The following AR variants were observed in gnomAD, a reference collection of about 807,000 sequenced individuals.
The protein encoded by AR is androgen receptor.
In AR, 8 loss-of-function variants were observed where a neutral mutation model predicts 53.9. The observed-to-expected ratio is 0.15, with a 90% CI of 0.09 to 0.27. The LOEUF is 0.27. Among genes scored for constraint, AR ranks in the 10% least tolerant of loss-of-function variants. The pLI is 1.00. For synonymous variants in AR, 359 were observed against 316.4 expected, an observed-to-expected ratio of 1.13 and a Z score of -1.43; for missense variants, 639 against 742.5, an observed-to-expected ratio of 0.86 and a Z score of 1.62.
chrX:67,685,983 T>C (rs1254630748), intron 2 of AR, 27 bp from the exon 3 acceptor site: 1 of 1,209,809 alleles, frequency 8.3e-7, no homozygotes, highest in East Asian at 3.0e-5. Context: ...TTATCAGGTC[T>C]ATCAACTCTT....
At chrX:67,688,856 G>A (rs2075980924) in intron 3 of AR, among the ~76,000 whole-genome samples, 1 of 111,462 alleles carries the variant, frequency 9.0e-6, no homozygotes, top group South Asian at 3.8e-4. Flanking sequence ...CTCAAACAAT[G>A]GAAAAGAAAG....
chrX:67,552,199 T>G (rs1930023985), intron 1 of AR, among the ~76,000 whole-genome samples: 1 of 111,879 alleles, frequency 8.9e-6, no homozygotes, highest in Non-Finnish European at 1.9e-5. Flanking sequence ...ATTCCCTCAG[T>G]CCTTAGCAAC....
At chrX:67,676,211 T>C (rs1195437349) in intron 2 of AR, among the ~76,000 whole-genome samples, 2 of 112,009 alleles carry the variant, frequency 1.8e-5, no homozygotes, top group Non-Finnish European at 3.8e-5. Context: ...AAGAGTTGCC[T>C]GTAGGAGAAA....
At chrX:67,574,365 T>C (rs1921955295) in intron 1 of AR, among the ~76,000 whole-genome samples, 1 of 111,276 alleles carries the variant, frequency 9.0e-6, no homozygotes, top group African/African-American at 3.3e-5. Context: ...CAGAAGTAAG[T>C]AAGTAAGACT....
chrX:67,703,980 AT>A lies in AR; in HGVS notation c.1886-7416del. ...TCCCTACAAAGGACATGAACTCATC[AT>A]TTTTTATGGCTGCATAGTATTCCAT... On this transcript the variant is annotated intron_variant, in intron 3 of 7. Coordinates refer to ENST00000374690, the MANE Select transcript of AR (RefSeq NM_000044.6). Among the ~76,000 whole-genome samples the A allele has an allele frequency of 2.7e-5, 3 of 111,771 alleles. 1 individual carries two copies. In the Middle Eastern group the frequency reaches 0.014, roughly 515 times the overall value.
At chrX:67,647,840 C>G (rs1317113890) in intron 2 of AR, among the ~76,000 whole-genome samples, 1 of 112,163 alleles carries the variant, frequency 8.9e-6, no homozygotes, top group Non-Finnish European at 1.9e-5. Flanking sequence ...AATACTGGAA[C>G]TAATGGGAGT....
intron 2 of AR, among the ~76,000 whole-genome samples, chrX:67,658,618 C>A (rs1468999536): frequency 9.0e-6 from 1 of 111,438 alleles, no homozygotes; most frequent in African/African-American, 3.3e-5. Flanking sequence ...CACCACCACG[C>A]CCAGTGAGAT....
chrX:67,674,664 T>C (rs932015678), intron 2 of AR, among the ~76,000 whole-genome samples: 4 of 111,297 alleles, frequency 3.6e-5, no homozygotes, highest in Admixed American at 2.9e-4. Context: ...TTATGGTGAA[T>C]GCTACCAAGG....
chrX:67,685,801 AC>A (rs907047204), intron 2 of AR: 2 of 499,923 alleles, frequency 4.0e-6, no homozygotes, highest in East Asian at 4.0e-5. Context: ...CCTAAAAAAA[AC>A]ACCAATGGAA....
At chrX:67,691,779 TG>T (rs1284875048) in intron 3 of AR, among the ~76,000 whole-genome samples, 1 of 111,885 alleles carries the variant, frequency 8.9e-6, no homozygotes, top group African/African-American at 3.3e-5. Flanking sequence ...TATGCTATTA[TG>T]CTATTAGCTA....
chrX:67,695,143 G>T (rs2076014046), intron 3 of AR: 1 of 758,792 alleles, frequency 1.3e-6, no homozygotes, highest in Non-Finnish European at 1.6e-6. Context: ...CTTTGCTGAT[G>T]GGACTCAAGG....
intron 1 of AR, among the ~76,000 whole-genome samples, chrX:67,597,489 C>T (rs1003747816): frequency 1.8e-5 from 2 of 111,760 alleles, no homozygotes; most frequent in African/African-American, 6.5e-5. Flanking sequence ...ACTTATAATC[C>T]TGGGATCTTC....
chrX:67,638,059 G>A (rs1925542676), intron 1 of AR, among the ~76,000 whole-genome samples: 1 of 111,075 alleles, frequency 9.0e-6, no homozygotes, highest in Admixed American at 9.7e-5. Context: ...CCACTTTTGA[G>A]TGAGAACATG....
chrX:67,709,155 T>G (rs1382088290), intron 3 of AR, among the ~76,000 whole-genome samples: 1 of 111,808 alleles, frequency 8.9e-6, no homozygotes, highest in Non-Finnish European at 1.9e-5. Context: ...GAACCACTAC[T>G]CTCTTCAAAG....
At chrX:67,638,967 G>A (rs145111726) in intron 1 of AR, among the ~76,000 whole-genome samples, 60 of 108,627 alleles carry the variant, frequency 5.5e-4, no homozygotes, top group African/African-American at 1.6e-3. Context: ...TAGGTCTTAC[G>A]TGACTCATCT....
chrX:67,551,776 T>C (rs909170077), intron 1 of AR, among the ~76,000 whole-genome samples: 2 of 111,689 alleles, frequency 1.8e-5, no homozygotes, highest in Non-Finnish European at 3.8e-5. Flanking sequence ...ATACTTTAGA[T>C]TGTTGCTCTT....
intron 1 of AR, among the ~76,000 whole-genome samples, chrX:67,630,866 C>T (rs867429966): frequency 3.6e-5 from 4 of 110,304 alleles, no homozygotes. Flanking sequence ...ATTTGCTTGT[C>T]TGTAAAGGAT....
intron 1 of AR, among the ~76,000 whole-genome samples, chrX:67,641,965 C>T (rs761074151): frequency 2.8e-5 from 3 of 107,660 alleles, no homozygotes; most frequent in African/African-American, 6.7e-5. Context: ...GTAATGGAAA[C>T]TGTGTTGGAC....
intron 2 of AR, among the ~76,000 whole-genome samples, chrX:67,678,099 G>A (rs2075911458): frequency 9.1e-6 from 1 of 109,819 alleles, no homozygotes; most frequent in Admixed American, 9.8e-5. Context: ...ATGAAGATTG[G>A]ACTAAATCAG....
Sources: allele counts gnomAD v4.1 joint callset (sites outside exome capture counted in the v4.1 genomes callset), GRCh38; gene constraint gnomAD v4.1.1; transcripts MANE v1.5; gene names NCBI Gene and HGNC (gene_info 2026-07-23, HGNC 2026-07-21).